Variants in TENM4 observed in about 807,000 individuals in gnomAD.
The protein encoded by TENM4 is teneurin transmembrane protein 4, also known as teneurin-4.
Under a neutral mutation model 243.3 loss-of-function variants are expected in TENM4, and 82 were observed. The observed-to-expected ratio is 0.34, with a 90% CI of 0.28 to 0.40. The LOEUF is 0.40. TENM4 is among the 10% of genes least tolerant of loss of function. TENM4 has a pLI of 1.00. For synonymous variants in TENM4, 1,412 were observed against 1,456.3 expected (o/e 0.97, Z 0.69); for missense variants, 3,138 against 3,673.3 (o/e 0.85, Z 3.77).
Position 79,400,099 on chromosome 11 carries a change from CCACACACACACACA to C in TENM4, c.-321+40396_-321+40409del, listed in dbSNP as rs71050221. Among the ~76,000 whole-genome samples the C allele has an allele frequency of 5.3e-3, 750 of 140,674 alleles. 9 individuals are homozygous for C. Among genetic ancestry groups the C allele is most frequent in the African/African-American group, 0.017 (625 of 37,734 alleles). 92.3% of individuals were successfully genotyped at this position (140,674 alleles called of 152,430 possible). On this transcript the variant is annotated intron_variant, in intron 1 of 33. Transcript: ENST00000278550. ...TACCTGGGAGACACATAAACACACA[CCACACACACACACA>C]CACACACACACACACACACACACAC...
intron 15 of TENM4, among the ~76,000 whole-genome samples, chr11:78,798,543 T>C (rs560772): frequency 0.021 from 3,245 of 152,210 alleles, 30 homozygotes; most frequent in Admixed American, 0.025. Context: ...AGGGCAACAG[T>C]CAATGTTCAT....
At chr11:79,312,164 T>A (rs551730463) in intron 1 of TENM4, among the ~76,000 whole-genome samples, 1 of 152,156 alleles carries the variant, frequency 6.6e-6, no homozygotes, top group Non-Finnish European at 1.5e-5. Flanking sequence ...CAGGACTCCA[T>A]CTGAATCATT....
chr11:79,373,202 A>T (rs1422493771), intron 1 of TENM4, among the ~76,000 whole-genome samples: 2 of 152,192 alleles, frequency 1.3e-5, no homozygotes, highest in Non-Finnish European at 2.9e-5. Flanking sequence ...GGATGGATGG[A>T]TAGATGCATG....
intron 3 of TENM4, among the ~76,000 whole-genome samples, chr11:79,149,647 T>C (rs767392099): frequency 3.9e-5 from 6 of 152,180 alleles, no homozygotes; most frequent in African/African-American, 7.2e-5. Flanking sequence ...TGAAATTTAC[T>C]GGATTGTATT....
At chr11:78,830,062 A>G (rs1002831577) in intron 12 of TENM4, among the ~76,000 whole-genome samples, 2 of 152,204 alleles carry the variant, frequency 1.3e-5, no homozygotes, top group African/African-American at 4.8e-5. Flanking sequence ...ATGCACCCAC[A>G]TGGACGTATT....
chr11:79,414,365 T>G (rs1162800192), intron 1 of TENM4, among the ~76,000 whole-genome samples: 1 of 152,180 alleles, frequency 6.6e-6, no homozygotes, highest in Non-Finnish European at 1.5e-5. Context: ...TGAACTAACC[T>G]GAGTCTCACT....
chr11:78,700,671 G>A (rs1339244831), intron 28 of TENM4, among the ~76,000 whole-genome samples: 1 of 152,110 alleles, frequency 6.6e-6, no homozygotes, highest in African/African-American at 2.4e-5. Flanking sequence ...CTGAACTTCT[G>A]GTTCTCTGAT....
chr11:79,129,334 C>G (rs1861949952), intron 4 of TENM4, among the ~76,000 whole-genome samples: 1 of 152,176 alleles, frequency 6.6e-6, no homozygotes, highest in Non-Finnish European at 1.5e-5. Flanking sequence ...AAATCTCCAG[C>G]TGAACTCTGT....
chr11:79,407,310 G>A (rs542049976), intron 1 of TENM4, among the ~76,000 whole-genome samples: 2 of 152,278 alleles, frequency 1.3e-5, no homozygotes, highest in East Asian at 3.9e-4. Context: ...GTCTTAATGA[G>A]GGATATAATT....
chr11:78,836,395 C>G (rs1858116538), intron 12 of TENM4, among the ~76,000 whole-genome samples: 1 of 152,120 alleles, frequency 6.6e-6, no homozygotes, highest in Admixed American at 6.5e-5. Flanking sequence ...CAGAAAAGAG[C>G]CTTAATTTTT....
intron 28 of TENM4, among the ~76,000 whole-genome samples, chr11:78,700,519 A>G (rs764855738): frequency 3.9e-5 from 6 of 152,222 alleles, no homozygotes; most frequent in Non-Finnish European, 7.3e-5. Flanking sequence ...CAGCAATCTC[A>G]GTCGTGTGAA....
chr11:79,328,613 C>A (rs1428992126), intron 1 of TENM4, among the ~76,000 whole-genome samples: 1 of 151,894 alleles, frequency 6.6e-6, no homozygotes, highest in Admixed American at 6.6e-5. Context: ...GGTGTGGGGA[C>A]CGAGGGAGGC....
At chr11:79,305,301 G>A (rs1225420753) in intron 1 of TENM4, among the ~76,000 whole-genome samples, 1 of 152,174 alleles carries the variant, frequency 6.6e-6, no homozygotes, top group East Asian at 1.9e-4. Flanking sequence ...GTGAGAATTA[G>A]CATTTCTCAA....
chr11:79,192,719 T>G (rs1190089357), intron 3 of TENM4, among the ~76,000 whole-genome samples: 1 of 151,074 alleles, frequency 6.6e-6, no homozygotes, highest in African/African-American at 2.4e-5. Flanking sequence ...AATCCCCCTC[T>G]GTGAGAAACA....
chr11:78,727,849 C>G (rs1030984196), intron 22 of TENM4, among the ~76,000 whole-genome samples: 1 of 152,202 alleles, frequency 6.6e-6, no homozygotes. Flanking sequence ...GGACAATATT[C>G]TACTACATGT....
At chr11:79,007,068 T>C (rs1349635836) in intron 6 of TENM4, among the ~76,000 whole-genome samples, 28 of 152,190 alleles carry the variant, frequency 1.8e-4, no homozygotes, top group Non-Finnish European at 2.9e-5. Flanking sequence ...CAACGTTGGC[T>C]CTTCCCAGGT....
rs779213954 is a variant in TENM4 at position 78,862,447 on chromosome 11, C to T, written c.1255+515G>A. Among the ~76,000 whole-genome samples, 74 of 152,108 alleles carry T rather than the reference C, an allele frequency of 4.9e-4. 1 individual carries two copies. The highest frequency in any genetic ancestry group is 2.8e-3 in the Admixed American group (42 of 15,270). On this transcript the variant is annotated intron_variant, in intron 10 of 33. Coordinates refer to ENST00000278550, the MANE Select transcript of TENM4 (RefSeq NM_001098816.3). ...ACACTAATGATTATTGTTATTATTG[C>T]GGATGCGGAAACTGAAGCTCAGGCA... is the stretch of plus-strand genomic sequence containing the variant.
At chr11:79,287,540 T>A (rs572604215) in intron 2 of TENM4, among the ~76,000 whole-genome samples, 1 of 151,850 alleles carries the variant, frequency 6.6e-6, no homozygotes, top group African/African-American at 2.4e-5. Flanking sequence ...AAGTAATGAG[T>A]TGGGGGTGAG....
At chr11:78,794,229 T>G (rs934824660) in intron 15 of TENM4, among the ~76,000 whole-genome samples, 2 of 152,140 alleles carry the variant, frequency 1.3e-5, no homozygotes, top group Non-Finnish European at 2.9e-5. Flanking sequence ...AGCAAGGGGA[T>G]GCTCAGCTGA....
Sources: gnomAD v4.1 joint callset for allele counts (sites outside exome capture counted in the v4.1 genomes callset) on GRCh38, gnomAD v4.1.1 for gene constraint, MANE v1.5 for transcripts, NCBI Gene and HGNC (gene_info 2026-07-23, HGNC 2026-07-21) for gene names.